The following PIK3C2B variants were observed in gnomAD, a reference collection of about 807,000 sequenced individuals.
PIK3C2B encodes phosphatidylinositol-4-phosphate 3-kinase catalytic subunit type 2 beta.
A neutral mutation model predicts 184.3 loss-of-function variants in PIK3C2B; 83 were observed. The ratio of observed to expected loss-of-function variants is 0.45; its 90% CI spans 0.38 to 0.54. The LOEUF (loss-of-function observed/expected upper bound fraction) is 0.54. Among genes scored for constraint, PIK3C2B ranks in the 20% least tolerant of loss-of-function variants. The pLI, the probability that PIK3C2B is intolerant of heterozygous loss-of-function variation, is 0.00. For missense variants in PIK3C2B, 1,736 were observed against 2,113.5 expected (o/e 0.82, Z 3.50); for synonymous variants, 779 against 837.6 (o/e 0.93, Z 1.21).
chr1:204,463,586 T>A (rs1655505445), intron 5 of PIK3C2B, among the ~76,000 whole-genome samples: 1 of 151,960 alleles, frequency 6.6e-6, no homozygotes, highest in African/African-American at 2.4e-5. Context: ...AATTGTAATT[T>A]CTCCCCTGGG....
chr1:204,425,854 C>T, intron 31 of PIK3C2B, 113 bp from the exon 32 acceptor site: 1 of 882,264 alleles, frequency 1.1e-6, no homozygotes, highest in Non-Finnish European at 1.8e-6. Context: ...TGGCATCTTG[C>T]AATGCACAAC....
rs143241730 is a variant in PIK3C2B, at chr1:204,475,592, G to A, written c.-84-5706C>T. ...GTTTTGGAACTAACCAGGTTGGATT[G>A]GCATCTGTAAGGCAGGGGCAAGGAT... On this transcript the variant is annotated intron_variant, in intron 1 of 32. Transcript: ENST00000684373. 5.1e-3 allele frequency among the ~76,000 whole-genome samples: 780 copies of A among 152,218 alleles called. 9 individuals carry two copies. The highest frequency in any genetic ancestry group is 0.017 in the African/African-American group (695 of 41,522).
At chr1:204,485,166 G>A (rs1657485457) in intron 1 of PIK3C2B, among the ~76,000 whole-genome samples, 4 of 151,404 alleles carry the variant, frequency 2.6e-5, no homozygotes, top group South Asian at 2.1e-4. Context: ...CTCCCACCCC[G>A]GTTTCACAAG....
chr1:204,424,855 C>CA lies in PIK3C2B; in HGVS notation c.4901dup (p.Leu1634PhefsTer56). ...CTGGGTGGTGGCTCTGCTGGGCTCA[C>CA]AAGGTGCCATGACTTCGAGATCCCA... On this transcript the variant is annotated frameshift_variant, in exon 33 of 33. Transcript: ENST00000684373. LOFTEE classifies it high-confidence loss of function. The CA allele has an allele frequency of 6.2e-7, 1 of 1,613,858 alleles. No individual in the cohort carries two copies. Among genetic ancestry groups the CA allele is most frequent in the Non-Finnish European group, 8.5e-7 (1 of 1,179,858 alleles).
At chr1:204,484,988 T>C (rs1351445365) in intron 1 of PIK3C2B, among the ~76,000 whole-genome samples, 1 of 151,644 alleles carries the variant, frequency 6.6e-6, no homozygotes, top group Non-Finnish European at 1.5e-5. Context: ...TCCAGGTCCT[T>C]AGACTCCCTC....
At chr1:204,444,829 C>T (rs1393453162) in intron 16 of PIK3C2B, among the ~76,000 whole-genome samples, 8 of 152,184 alleles carry the variant, frequency 5.3e-5, no homozygotes, top group Admixed American at 3.3e-4. Flanking sequence ...AAATGTACCA[C>T]GCAAATAACA....
rs766200615 is a variant in PIK3C2B at position 204,455,918 on chromosome 1, G to A, written c.1881C>T (p.Phe627=). The change falls in exon 11 of 33, where the codon TTC becomes TTT. Residue 627 remains phenylalanine, a synonymous_variant. Coordinates refer to ENST00000684373, the MANE Select transcript of PIK3C2B (RefSeq NM_001377334.1). Reference sequence around the variant, plus strand: ...AGACAGTGAAGGCCAGGGACCTGGCGAAATGGCAGGCCTCCTGGACCAGGT... The same window carrying A: ...AGACAGTGAAGGCCAGGGACCTGGCAAAATGGCAGGCCTCCTGGACCAGGT... ...KHDLVQEACH[F]ARSLAFTVYA... 9.3e-6 allele frequency: 15 copies of A among 1,614,050 alleles called. No individual in the cohort carries two copies. Among genetic ancestry groups the A allele is most frequent in the Admixed American group, 3.3e-5 (2 of 60,008 alleles).
In PIK3C2B at chr1:204,444,201, A is replaced by G. The variant is rs760471157; in HGVS notation, c.2773-39T>C. 2.1e-5 allele frequency: 31 copies of G among 1,489,812 alleles called. No individual in the cohort carries two copies. The South Asian group carries it at 3.4e-4, about 16-fold the overall frequency. 92.3% of individuals were successfully genotyped at this position (1,489,812 alleles called of 1,614,324 possible). A position where few individuals can be genotyped will look rare whatever the true frequency, so the allele number is the denominator to read the frequency against. The stretch of plus-strand genomic sequence containing the variant: ...AGGGAGAAAGAGAATATGAAGCTTC[A>G]TTAACTGCCTGTAACCTACACTTAT... On this transcript the variant is annotated intron_variant, in intron 17 of 32. Transcript: ENST00000684373.
chr1:204,429,059 C>CAA, intron 29 of PIK3C2B: 41 of 258,904 alleles, frequency 1.6e-4, no homozygotes, highest in South Asian at 2.7e-4. Context: ...CCTGTCTTTA[C>CAA]AAAAAAAAAA....
chr1:204,434,036 T>C, intron 24 of PIK3C2B, 87 bp from the exon 25 acceptor site: 1 of 1,067,306 alleles, frequency 9.4e-7, no homozygotes, highest in Non-Finnish European at 1.4e-6. Flanking sequence ...GTTTCCCTCA[T>C]CCCTCATCAC....
Position 204,438,948 on chromosome 1 carries a change from T to A in PIK3C2B, c.3503A>T (p.Asp1168Val). Residue 1168 changes from aspartate to valine, a missense_variant, in exon 23 of 33, where the codon GAC (aspartate) becomes GTC (valine). Transcript: ENST00000684373. ...DWLQKHNPGEDEYEKAVENFI... is the reference protein window; with the variant it reads ...DWLQKHNPGEVEYEKAVENFI... ...CCACAACCCTACCTTCTCATACTCGTCCTCCCCAGGGTTGTGTTTCTGCAG... is the reference window on the plus strand; with the variant it reads ...CCACAACCCTACCTTCTCATACTCGACCTCCCCAGGGTTGTGTTTCTGCAG... 1 of 1,613,692 alleles carries A rather than the reference T, an allele frequency of 6.2e-7. No homozygotes were observed. The highest frequency in any genetic ancestry group is 8.5e-7 in the Non-Finnish European group (1 of 1,180,012).
At chr1:204,483,993 C>T (rs1373255862) in intron 1 of PIK3C2B, among the ~76,000 whole-genome samples, 1 of 152,110 alleles carries the variant, frequency 6.6e-6, no homozygotes, top group African/African-American at 2.4e-5. Context: ...GGAACTGTGT[C>T]GAAACACCTT....
intron 23 of PIK3C2B, among the ~76,000 whole-genome samples, chr1:204,437,517 A>AC (rs55740285): frequency 1.1e-4 from 16 of 151,356 alleles, no homozygotes; most frequent in Admixed American, 1.1e-3. Context: ...AACAACAACA[A>AC]AACACCTCTG....
chr1:204,476,807 C>T (rs920956310), intron 1 of PIK3C2B, among the ~76,000 whole-genome samples: 2 of 152,230 alleles, frequency 1.3e-5, no homozygotes, highest in Non-Finnish European at 2.9e-5. Flanking sequence ...AAAATGAAAA[C>T]CATGTGAATG....
intron 1 of PIK3C2B, among the ~76,000 whole-genome samples, chr1:204,472,133 A>G (rs1432779514): frequency 6.7e-6 from 1 of 150,290 alleles, no homozygotes; most frequent in African/African-American, 2.4e-5. Context: ...GTGGTTCTCA[A>G]CCCCAGCTGC....
intron 1 of PIK3C2B, among the ~76,000 whole-genome samples, chr1:204,486,408 A>T (rs1002439249): frequency 6.6e-6 from 1 of 150,886 alleles, no homozygotes; most frequent in East Asian, 2.0e-4. Context: ...AAAAAAAAAA[A>T]AAAGAAAACA....
chr1:204,442,716 C>T (rs1263495264), intron 19 of PIK3C2B, 83 bp from the exon 20 acceptor site: 9 of 915,482 alleles, frequency 9.8e-6, no homozygotes, highest in East Asian at 5.4e-5. Context: ...GTGGGTTCTC[C>T]GTAGTAGTCG....
In PIK3C2B at chr1:204,433,181, T is replaced by C; in HGVS notation, c.3953+135A>G. ...AATCACGGGCAAAGTTGGGACAATGTATCCACGTGGTCAGCTCTAGGCTCT... is the reference window on the plus strand; with the variant it reads ...AATCACGGGCAAAGTTGGGACAATGCATCCACGTGGTCAGCTCTAGGCTCT... On this transcript the variant is annotated intron_variant, in intron 26 of 32. Coordinates refer to ENST00000684373, the MANE Select transcript of PIK3C2B (RefSeq NM_001377334.1). This position sits in a 1 kb window ranked among gnomAD's most constrained non-coding sequence, Gnocchi z 5.0. 2 of 566,928 alleles carry C rather than the reference T, an allele frequency of 3.5e-6. No individual in the cohort carries two copies. The highest frequency in any genetic ancestry group is 4.7e-5 in the South Asian group (2 of 42,940). The allele number at this position is 566,928 out of a possible 1,614,324, so 35.1% of individuals were successfully genotyped here.
intron 1 of PIK3C2B, among the ~76,000 whole-genome samples, chr1:204,479,180 G>A (rs991923460): frequency 2.0e-5 from 3 of 152,160 alleles, no homozygotes; most frequent in Non-Finnish European, 4.4e-5. Context: ...TTGGCAGTAC[G>A]TGTATTTCTA....
Sources: allele counts gnomAD v4.1 joint callset (sites outside exome capture counted in the v4.1 genomes callset), GRCh38; gene constraint gnomAD v4.1.1; non-coding constraint Gnocchi (gnomAD v3.1); transcripts MANE v1.5; gene names NCBI Gene and HGNC (gene_info 2026-07-23, HGNC 2026-07-21).